COL5A2: variants seen among roughly 807,000 people sequenced by gnomAD.
COL5A2 encodes the protein collagen alpha-2(V) chain.
In COL5A2, 23 loss-of-function variants were observed where a neutral mutation model predicts 208.2. That is an observed-to-expected ratio of 0.11 (90% CI 0.08 to 0.16). The LOEUF (loss-of-function observed/expected upper bound fraction) is 0.16, where lower values mean the gene tolerates loss of function less well. Among genes scored for constraint, COL5A2 ranks in the 10% least tolerant of loss-of-function variants. The pLI, the probability that COL5A2 is intolerant of heterozygous loss-of-function variation, is 1.00. For missense variants in COL5A2, 1,590 were observed against 1,956.4 expected (o/e 0.81, Z 3.53); for synonymous variants, 625 against 628.5 (o/e 0.99, Z 0.08).
rs1030639493 is a variant in COL5A2 at position 189,064,710 on chromosome 2, AAGC to A, written c.1618-58_1618-56del. 17 of 1,211,822 alleles carry A rather than the reference AAGC, an allele frequency of 1.4e-5. No individual in the cohort carries two copies. The African/African-American group carries it at 1.9e-4, about 14-fold the overall frequency. 75.1% of individuals were successfully genotyped at this position (1,211,822 alleles called of 1,614,324 possible). A position where few individuals can be genotyped will look rare whatever the true frequency, so the allele number is the denominator to read the frequency against. On this transcript the variant is annotated intron_variant, in intron 24 of 53. Transcript: ENST00000374866. The stretch of plus-strand genomic sequence containing the variant: ...AAAAAGAGTATAGAAAAACAAAAGC[AAGC>A]AGAAGTAAAATTATCGTTTTACAAA...
At chr2:189,063,536 T>C (rs533649530) in intron 26 of COL5A2, among the ~76,000 whole-genome samples, 30 of 152,334 alleles carry the variant, frequency 2.0e-4, no homozygotes, top group African/African-American at 7.0e-4. Context: ...GAAATCTTTC[T>C]TCTTTCATTT....
intron 23 of COL5A2, among the ~76,000 whole-genome samples, 184 bp downstream of exon 23, chr2:189,066,206 T>C (rs1468588755): frequency 1.3e-5 from 2 of 152,226 alleles, no homozygotes; most frequent in Non-Finnish European, 1.5e-5. Context: ...ATTTAACCAA[T>C]ATTAGTTGAA....
At chr2:189,199,877 C>T (rs998479515) in intron 1 of COL5A2, among the ~76,000 whole-genome samples, 2 of 152,218 alleles carry the variant, frequency 1.3e-5, no homozygotes, top group African/African-American at 4.8e-5. Context: ...CTATATCCTA[C>T]AAGTTGACCA....
At chr2:189,281,207 A>T in the COL5A2 span, among the ~76,000 whole-genome samples, 1 of 152,172 alleles carries the variant, frequency 6.6e-6, no homozygotes, top group African/African-American at 2.4e-5. Context: ...AATGTAACTA[A>T]ATCAAGTGCA....
chr2:189,114,812 C>T (rs1272925755), intron 1 of COL5A2, among the ~76,000 whole-genome samples: 2 of 151,728 alleles, frequency 1.3e-5, no homozygotes, highest in African/African-American at 4.8e-5. Flanking sequence ...CACACGTTTA[C>T]CTATGTAACA....
At chr2:189,219,725 G>C (rs1220233840) in intron 1 of COL5A2, among the ~76,000 whole-genome samples, 2 of 152,118 alleles carry the variant, frequency 1.3e-5, no homozygotes, top group South Asian at 2.1e-4. Context: ...TTGAGATTTA[G>C]AAAAGTAAGC....
At chr2:189,319,251 TG>T in the COL5A2 span, among the ~76,000 whole-genome samples, 5,545 of 152,296 alleles carry the variant, frequency 0.036, 116 homozygotes, top group Admixed American at 0.05. Flanking sequence ...GCGCAGAAGA[TG>T]GGTGATTTCT....
At chr2:189,067,568 ACATT>A (rs1017153162) in intron 21 of COL5A2, among the ~76,000 whole-genome samples, 2 of 152,158 alleles carry the variant, frequency 1.3e-5, no homozygotes, top group African/African-American at 4.8e-5. Flanking sequence ...AAATATGAAA[ACATT>A]CAATCTGACA....
At chr2:189,039,700 G>A in intron 50 of COL5A2, 137 bp from the exon 51 acceptor site, 1 of 757,366 alleles carries the variant, frequency 1.3e-6, no homozygotes, top group African/African-American at 1.8e-5. Context: ...GCGCCCTTTT[G>A]TAACTAGATG....
rs528872035 is a variant in COL5A2 at position 189,103,462 on chromosome 2, A to T, written c.336+802T>A. Among the ~76,000 whole-genome samples, 29 of 152,158 alleles carry T rather than the reference A, an allele frequency of 1.9e-4. No individual in the cohort carries two copies. In the South Asian group the frequency reaches 6.0e-3, roughly 32 times the overall value. The stretch of plus-strand genomic sequence containing the variant: ...CTGTGTGCAAAAGTAAAGAAAATTT[A>T]TGGAAATTGGGACCAGCAACAGTTT... On this transcript the variant is annotated intron_variant, in intron 3 of 53. Transcript: ENST00000374866.
At position 189,036,710 on chromosome 2, in the gene COL5A2, T is replaced by C. The variant is rs1281961679; in HGVS notation, c.4019A>G (p.Asn1340Ser). The change falls in exon 52 of 54, where the codon AAC (asparagine) becomes AGC (serine). Residue 1340 changes from asparagine (N) to serine (S), a missense_variant. Asn to Ser is a conservative substitution (Grantham distance 46, BLOSUM62 1). Coordinates refer to ENST00000374866, the MANE Select transcript of COL5A2 (RefSeq NM_000393.5). ...GGTTTTACGTGGTACACTGGATGGG[T>C]TTGCTGAAATACATGTTTCTCCTGT... ...METGETCISA[N>S]PSSVPRKTWW... is the part of the protein sequence containing the mutation. The C allele has an allele frequency of 6.2e-7, 1 of 1,613,770 alleles. No individual in the cohort carries two copies. Among genetic ancestry groups the C allele is most frequent in the Non-Finnish European group, 8.5e-7 (1 of 1,179,706 alleles).
the COL5A2 span, among the ~76,000 whole-genome samples, chr2:189,394,446 A>G: frequency 2.0e-5 from 3 of 152,146 alleles, no homozygotes; most frequent in South Asian, 4.1e-4. Context: ...GTTACCTTAT[A>G]AAGGGATTAG....
intron 1 of COL5A2, among the ~76,000 whole-genome samples, chr2:189,216,339 C>CCTTTGAGT (rs930829720): frequency 7.9e-5 from 12 of 152,084 alleles, no homozygotes; most frequent in Admixed American, 3.9e-4. Context: ...AAGATTCATC[C>CCTTTGAGT]CTTTGAGTCA....
At chr2:189,272,038 T>G in the COL5A2 span, among the ~76,000 whole-genome samples, 1 of 152,158 alleles carries the variant, frequency 6.6e-6, no homozygotes, top group African/African-American at 2.4e-5. Flanking sequence ...TGTGGAGATA[T>G]AGGAACGCTT....
chr2:189,302,436 C>G, the COL5A2 span, among the ~76,000 whole-genome samples: 85 of 152,230 alleles, frequency 5.6e-4, no homozygotes, highest in African/African-American at 2.0e-3. Context: ...ATATAACTTC[C>G]TGAACAGGTG....
chr2:189,373,786 G>T, the COL5A2 span, among the ~76,000 whole-genome samples: 1 of 152,192 alleles, frequency 6.6e-6, no homozygotes, highest in Admixed American at 6.5e-5. Context: ...CTGACAGAAA[G>T]AAGAGTGGAG....
chr2:189,238,208 G>T, the COL5A2 span, among the ~76,000 whole-genome samples: 46 of 152,136 alleles, frequency 3.0e-4, no homozygotes, highest in African/African-American at 1.1e-3. Context: ...GAGTATGTTG[G>T]TTTATTTCTC....
In COL5A2 at chr2:189,063,179, C is replaced by T. The variant is rs765290563; in HGVS notation, c.1862G>A (p.Gly621Asp). ...ATTATACACTGTACTCACACTGCTA[C>T]CTTTGGGGCCTGGAAGGCCCATGCT... is the stretch of plus-strand genomic sequence containing the variant. Reference protein sequence around the residue: ...PGSMGLPGPKGSSGDPGKPGE... With the variant: ...PGSMGLPGPKDSSGDPGKPGE... Residue 621 changes from glycine to aspartate, a missense_variant, in exon 27 of 54, where the codon GGT becomes GAT. By Grantham distance (94) the Gly-to-Asp change is moderately conservative. Transcript: ENST00000374866. 4 of 1,614,040 alleles carry T rather than the reference C, an allele frequency of 2.5e-6. No individual in the cohort carries two copies. Among genetic ancestry groups the T allele is most frequent in the South Asian group, 2.2e-5 (2 of 91,080 alleles).
intron 52 of COL5A2, among the ~76,000 whole-genome samples, chr2:189,035,761 TA>T (rs2153506059): frequency 6.6e-6 from 1 of 152,248 alleles, no homozygotes; most frequent in African/African-American, 2.4e-5. Flanking sequence ...GCTTATCTTG[TA>T]TACACCCATA....
Sources: allele counts gnomAD v4.1 joint callset (sites outside exome capture counted in the v4.1 genomes callset), GRCh38; gene constraint gnomAD v4.1.1; transcripts MANE v1.5; gene names NCBI Gene and HGNC (gene_info 2026-07-23, HGNC 2026-07-21).